HBB: variants seen among roughly 807,000 people sequenced by gnomAD.
The protein encoded by HBB is Hb Monza protein.
Under a neutral mutation model 9.7 loss-of-function variants are expected in HBB, and 18 were observed. The observed-to-expected ratio is 1.86, with a 90% confidence interval of 1.28 to 2.76. The LOEUF (loss-of-function observed/expected upper bound fraction) is 2.76. Ranked by LOEUF, HBB falls within the 30% of genes most tolerant of loss-of-function variation. The pLI is 0.00. For synonymous variants in HBB, 99 were observed against 73.6 expected, an observed-to-expected ratio of 1.35 and a Z score of -1.77; for missense variants, 156 against 177.0, an observed-to-expected ratio of 0.88 and a Z score of 0.67.
At position 5,226,017 on chromosome 11, in the gene HBB, GA is replaced by G. The variant is rs1170203019; in HGVS notation, c.316-292del. 4.6e-5 allele frequency among the ~76,000 whole-genome samples: 7 copies of G among 151,978 alleles called. No homozygotes were observed. Among genetic ancestry groups the G allele is most frequent in the Non-Finnish European group, 7.4e-5 (5 of 67,996 alleles). ...ATTGCCCTGAAAGAAAGAGATTAGG[GA>G]AAGTATTAGAAATAAGATAAACAAA... On this transcript the variant is annotated intron_variant, in intron 2 of 2. Transcript: ENST00000335295.
At position 5,225,527 on chromosome 11, in the gene HBB, C is replaced by T. The variant is rs755824656; in HGVS notation, c.*71G>A. The T allele has an allele frequency of 1.7e-5, 24 of 1,442,176 alleles. No individual in the cohort carries two copies. Among genetic ancestry groups the T allele is most frequent in the Non-Finnish European group, 2.2e-5 (23 of 1,023,214 alleles). 89.3% of individuals were successfully genotyped at this position (1,442,176 alleles called of 1,614,324 possible). On this transcript the variant is annotated 3_prime_UTR_variant, in exon 3 of 3. Transcript: ENST00000335295. ...AGATGCTCAAGGCCCTTCATAATAT[C>T]CCCCAGTTTAGTAGTTGGACTTAGG... is the stretch of plus-strand genomic sequence containing the variant.
Position 5,225,550 on chromosome 11 carries a change from A to G in HBB, c.*48T>C, listed in dbSNP as rs759337708. On this transcript the variant is annotated 3_prime_UTR_variant, in exon 3 of 3. Transcript: ENST00000335295. ...ATCCCCCAGTTTAGTAGTTGGACTT[A>G]GGGAACAAAGGAACCTTTAATAGAA... 1.0e-5 allele frequency: 16 copies of G among 1,600,420 alleles called. No individual in the cohort carries two copies. In the South Asian group the frequency reaches 1.7e-4, roughly 17 times the overall value.
chr11:5,226,154 G>A lies in HBB; in HGVS notation c.315+423C>T. On this transcript the variant is annotated intron_variant, in intron 2 of 2. Coordinates refer to ENST00000335295, the MANE Select transcript of HBB (RefSeq NM_000518.5). ...ACATTACACTTTAACCCATAAATAT[G>A]TATAATGATTATGTATCAATTAAAA... 3.4e-6 allele frequency: 1 copy of A among 295,716 alleles called. No homozygotes were observed. The highest frequency in any genetic ancestry group is 6.3e-6 in the Non-Finnish European group (1 of 158,574). 18.3% of individuals were successfully genotyped at this position (295,716 alleles called of 1,614,324 possible).
chr11:5,225,570 A>C lies in HBB; in HGVS notation c.*28T>G, dbSNP rs1847520827. On this transcript the variant is annotated 3_prime_UTR_variant, in exon 3 of 3. Transcript: ENST00000335295. ...GACTTAGGGAACAAAGGAACCTTTA[A>C]TAGAAATTGGACAGCAAGAAAGCGA... The C allele has an allele frequency of 6.2e-7, 1 of 1,613,432 alleles. No homozygotes were observed. Among genetic ancestry groups the C allele is most frequent in the Admixed American group, 1.7e-5 (1 of 60,030 alleles).
At position 5,225,468 on chromosome 11, in the gene HBB, A is replaced by C; in HGVS notation, c.*130T>G. On this transcript the variant is annotated 3_prime_UTR_variant, in exon 3 of 3. Transcript: ENST00000335295. ...AGAAATAATTTAAATACATCATTGC[A>C]ATGAAAATAAATGTTTTTTATTAGG... 1 of 862,302 alleles carries C rather than the reference A, an allele frequency of 1.2e-6. No homozygotes were observed. The highest frequency in any genetic ancestry group is 2.4e-5 in the East Asian group (1 of 41,180). The allele number at this position is 862,302 out of a possible 1,614,324, so 53.4% of individuals were successfully genotyped here. A position where few individuals can be genotyped will look rare whatever the true frequency, so the allele number is the denominator to read the frequency against.
chr11:5,225,502 A>G lies in HBB; in HGVS notation c.*96T>C, dbSNP rs34029390. The G allele has an allele frequency of 3.8e-3, 4,320 of 1,123,116 alleles. 18 individuals carry two copies. The highest frequency in any genetic ancestry group is 5.4e-3 in the Non-Finnish European group (3,942 of 732,130). The allele number at this position is 1,123,116 out of a possible 1,614,324, so 69.6% of individuals were successfully genotyped here. ...AAATGTTTTTTATTAGGCAGAATCC[A>G]GATGCTCAAGGCCCTTCATAATATC... On this transcript the variant is annotated 3_prime_UTR_variant, in exon 3 of 3. Transcript: ENST00000335295.
chr11:5,225,558 A>C lies in HBB; in HGVS notation c.*40T>G. On this transcript the variant is annotated 3_prime_UTR_variant, in exon 3 of 3. Coordinates refer to ENST00000335295, the MANE Select transcript of HBB (RefSeq NM_000518.5). ...GTTTAGTAGTTGGACTTAGGGAACAAAGGAACCTTTAATAGAAATTGGACA... is the reference window on the plus strand; with the variant it reads ...GTTTAGTAGTTGGACTTAGGGAACACAGGAACCTTTAATAGAAATTGGACA... 6.2e-7 allele frequency: 1 copy of C among 1,611,332 alleles called. No individual in the cohort carries two copies. Among genetic ancestry groups the C allele is most frequent in the African/African-American group, 1.3e-5 (1 of 74,954 alleles).
rs1284665762 is a variant in HBB, at chr11:5,225,908, A to C, written c.316-182T>G. On this transcript the variant is annotated intron_variant, in intron 2 of 2. Coordinates refer to ENST00000335295, the MANE Select transcript of HBB (RefSeq NM_000518.5). Reference sequence around the variant, plus strand: ...TTTATATGCAGAAATATTTATATGCAGAGATATTGCTATTGCCTTAACCCA... The same window carrying C: ...TTTATATGCAGAAATATTTATATGCCGAGATATTGCTATTGCCTTAACCCA... Among the ~76,000 whole-genome samples the C allele has an allele frequency of 6.6e-6, 1 of 152,218 alleles. No homozygotes were observed. The highest frequency in any genetic ancestry group is 2.4e-5 in the African/African-American group (1 of 41,456).
Position 5,225,584 on chromosome 11 carries a change from G to A in HBB, c.*14C>T, listed in dbSNP as rs777802495. 8 of 1,613,906 alleles carry A rather than the reference G, an allele frequency of 5.0e-6. No individual in the cohort carries two copies. The East Asian group carries it at 1.6e-4, about 31-fold the overall frequency. ...AGGAACCTTTAATAGAAATTGGACA[G>A]CAAGAAAGCGAGCTTAGTGATACTT... On this transcript the variant is annotated 3_prime_UTR_variant, in exon 3 of 3. Transcript: ENST00000335295.
Position 5,226,074 on chromosome 11 carries a change from A to T in HBB, c.316-348T>A, listed in dbSNP as rs1340330454. On this transcript the variant is annotated intron_variant, in intron 2 of 2. Coordinates refer to ENST00000335295, the MANE Select transcript of HBB (RefSeq NM_000518.5). ...ATATTAAAAGAAGAAAGCATTTTTT[A>T]AAATTACAAATGCAAAATTACCCTG... Among the ~76,000 whole-genome samples the T allele has an allele frequency of 6.6e-6, 1 of 152,176 alleles. No individual in the cohort carries two copies. The highest frequency in any genetic ancestry group is 2.4e-5 in the African/African-American group (1 of 41,442).
Position 5,226,272 on chromosome 11 carries a change from T to C in HBB, c.315+305A>G, listed in dbSNP as rs1800971968. The C allele has an allele frequency of 7.5e-6, 4 of 536,602 alleles. 1 individual carries two copies. The highest frequency in any genetic ancestry group is 7.0e-5 in the South Asian group (3 of 43,002). 33.2% of individuals were successfully genotyped at this position (536,602 alleles called of 1,614,324 possible). A position where few individuals can be genotyped will look rare whatever the true frequency, so the allele number is the denominator to read the frequency against. On this transcript the variant is annotated intron_variant, in intron 2 of 2. Transcript: ENST00000335295. ...GTACTAGGCAGACTGTGTAAAGTTT[T>C]TTTTTAAGTTACTTAATGTATCTCA...
chr11:5,226,434 C>T lies in HBB; in HGVS notation c.315+143G>A, dbSNP rs191037579. The T allele has an allele frequency of 9.6e-5, 73 of 759,848 alleles. 2 individuals are homozygous for T. Among genetic ancestry groups the T allele is most frequent in the South Asian group, 7.3e-4 (45 of 61,822 alleles). The allele number at this position is 759,848 out of a possible 1,614,324, so 47.1% of individuals were successfully genotyped here. A position where few individuals can be genotyped will look rare whatever the true frequency, so the allele number is the denominator to read the frequency against. On this transcript the variant is annotated intron_variant, in intron 2 of 2. Coordinates refer to ENST00000335295, the MANE Select transcript of HBB (RefSeq NM_000518.5). The stretch of plus-strand genomic sequence containing the variant: ...GAACAGCAAATAAAAGAAACTAAAA[C>T]GATCCTGAGACTTCCACACTGATGC...
intron 2 of HBB, among the ~76,000 whole-genome samples, 155 bp from the exon 3 acceptor site, chr11:5,225,881 A>G (rs1410738431): frequency 6.6e-6 from 1 of 152,182 alleles, no homozygotes; most frequent in Non-Finnish European, 1.5e-5. Flanking sequence ...CATCAGTTAC[A>G]ATTTATATGC....
At position 5,225,871 on chromosome 11, in the gene HBB, C is replaced by A. The variant is rs1005042281; in HGVS notation, c.316-145G>T. On this transcript the variant is annotated intron_variant, in intron 2 of 2. Coordinates refer to ENST00000335295, the MANE Select transcript of HBB (RefSeq NM_000518.5). ...GCTATTAGCAATATGAAACCTCTTA[C>A]ATCAGTTACAATTTATATGCAGAAA... 1 of 758,330 alleles carries A rather than the reference C, an allele frequency of 1.3e-6. No homozygotes were observed. The allele number at this position is 758,330 out of a possible 1,614,324, so 47.0% of individuals were successfully genotyped here.
intron 2 of HBB, chr11:5,226,323 A>T: frequency 1.7e-6 from 1 of 597,506 alleles, no homozygotes; most frequent in South Asian, 2.1e-5. Context: ...GTTATACACA[A>T]TGTTAAGGCA....
Position 5,226,646 on chromosome 11 carries a change from G to A in HBB, c.246C>T (p.Leu82=), listed in dbSNP as rs145669504. 4 of 1,614,154 alleles carry A rather than the reference G, an allele frequency of 2.5e-6. No individual in the cohort carries two copies. The highest frequency in any genetic ancestry group is 3.4e-6 in the Non-Finnish European group (4 of 1,180,026). ...FSDGLAHLDN[L]KGTFATLSEL... ...CACTCAGTGTGGCAAAGGTGCCCTT[G>A]AGGTTGTCCAGGTGAGCCAGGCCAT... Residue 82 remains leucine, a synonymous_variant, in exon 2 of 3, where the codon CTC becomes CTT. Coordinates refer to ENST00000335295, the MANE Select transcript of HBB (RefSeq NM_000518.5).
rs1164871363 is a variant in HBB at position 5,225,882 on chromosome 11, A to G, written c.316-156T>C. On this transcript the variant is annotated intron_variant, in intron 2 of 2. Transcript: ENST00000335295. The stretch of plus-strand genomic sequence containing the variant: ...TATGAAACCTCTTACATCAGTTACA[A>G]TTTATATGCAGAAATATTTATATGC... 6.6e-6 allele frequency among the ~76,000 whole-genome samples: 1 copy of G among 152,204 alleles called. No homozygotes were observed. Among genetic ancestry groups the G allele is most frequent in the Non-Finnish European group, 1.5e-5 (1 of 68,028 alleles).
rs33960103 is a variant in HBB, at chr11:5,226,930, C to T, written c.92G>A (p.Arg31Lys). 7 of 1,612,850 alleles carry T rather than the reference C, an allele frequency of 4.3e-6. No homozygotes were observed. In the South Asian group the frequency reaches 6.6e-5, roughly 15 times the overall value. Residue 31 changes from arginine to lysine, a missense_variant and splice_region_variant, in exon 1 of 3, where the codon AGG (arginine) becomes AAG (lysine). By Grantham distance (26) the Arg-to-Lys change is conservative. Coordinates refer to ENST00000335295, the MANE Select transcript of HBB (RefSeq NM_000518.5). ...CCTGTCTTGTAACCTTGATACCAAC[C>T]TGCCCAGGGCCTCACCACCAACTTC... ...VDEVGGEALGRLLVVYPWTQR... is the reference protein window; with the variant it reads ...VDEVGGEALGKLLVVYPWTQR...
rs375672426 is a variant in HBB at position 5,226,890 on chromosome 11, A to G, written c.92+40T>C. ...CTCTGTCTCCACATGCCCAGTTTCTATTGGTCTCCTTAAACCTGTCTTGTA... is the reference window on the plus strand; with the variant it reads ...CTCTGTCTCCACATGCCCAGTTTCTGTTGGTCTCCTTAAACCTGTCTTGTA... On this transcript the variant is annotated intron_variant, in intron 1 of 2. Transcript: ENST00000335295. 1.3e-6 allele frequency: 2 copies of G among 1,593,444 alleles called. No homozygotes were observed. Among genetic ancestry groups the G allele is most frequent in the Non-Finnish European group, 1.7e-6 (2 of 1,161,336 alleles).
Sources: gnomAD v4.1 joint callset for allele counts (sites outside exome capture counted in the v4.1 genomes callset) on GRCh38, gnomAD v4.1.1 for gene constraint, MANE v1.5 for transcripts, NCBI Gene and HGNC (gene_info 2026-07-23, HGNC 2026-07-21) for gene names.